Variants in STRBP observed in about 807,000 individuals in gnomAD.
The protein encoded by STRBP is spermatid perinuclear RNA binding protein.
Under a neutral mutation model 80.1 loss-of-function variants are expected in STRBP, and 13 were observed. That is an observed-to-expected ratio of 0.16 (90% confidence interval 0.11 to 0.26). The LOEUF (loss-of-function observed/expected upper bound fraction) is 0.26. STRBP is among the 10% of genes least tolerant of loss of function. The probability of loss-of-function intolerance (pLI) is 1.00; values close to 1 mark genes in which losing one functional copy is unlikely to be tolerated. For synonymous variants in STRBP, 284 were observed against 291.2 expected, an observed-to-expected ratio of 0.98 and a Z score of 0.25; for missense variants, 485 against 815.2, an observed-to-expected ratio of 0.59 and a Z score of 4.93.
downstream of STRBP, among the ~76,000 whole-genome samples, chr9:123,119,706 G>A (rs1197558554): frequency 2.0e-5 from 3 of 152,010 alleles, no homozygotes; most frequent in African/African-American, 4.8e-5. Context: ...CCTCACCTCG[G>A]CCAACCATGG....
At position 123,115,692 on chromosome 9, in the gene STRBP, C is replaced by G. The variant is rs936085261; in HGVS notation, c.*84+237G>C. 13 of 336,046 alleles carry G rather than the reference C, an allele frequency of 3.9e-5. No homozygotes were observed. The highest frequency in any genetic ancestry group is 2.6e-4 in the African/African-American group (12 of 46,500). 20.8% of individuals were successfully genotyped at this position (336,046 alleles called of 1,614,324 possible). ...TCTTGGCAGCATCACCAGTCAACAT[C>G]AGAGTTCGTCCAAACTGACATTCCA... On this transcript the variant is annotated intron_variant and NMD_transcript_variant, in intron 3 of 3. Coordinates refer to the STRBP transcript ENST00000471564. This position sits in a 1 kb window ranked among gnomAD's most constrained non-coding sequence, Gnocchi z 5.0.
intron 2 of STRBP, among the ~76,000 whole-genome samples, chr9:123,236,268 G>GA (rs1219934488): frequency 2.0e-5 from 3 of 151,930 alleles, no homozygotes; most frequent in South Asian, 2.1e-4. Flanking sequence ...TACTTACTAA[G>GA]AAAAAAACAT....
intron 2 of STRBP, among the ~76,000 whole-genome samples, chr9:123,223,893 T>G (rs575258353): frequency 1.1e-4 from 17 of 152,162 alleles, no homozygotes; most frequent in Admixed American, 5.2e-4. Flanking sequence ...TATTAATGGT[T>G]TATTTTTTAC....
Position 123,124,597 on chromosome 9 carries a change from G to T in STRBP, c.*1000C>A. 1 of 985,406 alleles carries T rather than the reference G, an allele frequency of 1.0e-6. No individual in the cohort carries two copies. Among genetic ancestry groups the T allele is most frequent in the Non-Finnish European group, 1.2e-6 (1 of 829,932 alleles). 61.0% of individuals were successfully genotyped at this position (985,406 alleles called of 1,614,324 possible). ...ATTCTGATGTAATTGAAGAGGAAAG[G>T]AGACCCTTCAATGAATCCCAGCAAA... On this transcript the variant is annotated 3_prime_UTR_variant, in exon 19 of 19. Coordinates refer to ENST00000348403, the MANE Select transcript of STRBP (RefSeq NM_018387.5).
At chr9:123,165,226 A>G (rs1027984185) in intron 6 of STRBP, among the ~76,000 whole-genome samples, 1 of 149,398 alleles carries the variant, frequency 6.7e-6, no homozygotes, top group Non-Finnish European at 1.5e-5. Context: ...CATTGCAGTG[A>G]GCCGAGATCG....
chr9:123,169,882 A>ATG lies in STRBP; in HGVS notation c.535+19_535+20insCA. The ATG allele has an allele frequency of 8.0e-7, 1 of 1,256,836 alleles. No homozygotes were observed. The highest frequency in any genetic ancestry group is 3.0e-5 in the East Asian group (1 of 33,090). The allele number at this position is 1,256,836 out of a possible 1,614,324, so 77.9% of individuals were successfully genotyped here. ...CAACAACAAATATATACATATATAT[A>ATG]TATATATATACATGTGTACCTCCAT... On this transcript the variant is annotated intron_variant, in intron 6 of 18. Coordinates refer to ENST00000348403, the MANE Select transcript of STRBP (RefSeq NM_018387.5).
chr9:123,238,692 G>A (rs2040624800), intron 1 of STRBP, among the ~76,000 whole-genome samples: 1 of 152,164 alleles, frequency 6.6e-6, no homozygotes, highest in Non-Finnish European at 1.5e-5. Context: ...ATAAGCTAAA[G>A]ATGAGAAGGG....
chr9:123,161,962 G>T (rs549488082), intron 6 of STRBP, among the ~76,000 whole-genome samples: 1 of 152,238 alleles, frequency 6.6e-6, no homozygotes, highest in South Asian at 2.1e-4. Context: ...ATATGCAAAT[G>T]CTTCTTGAGT....
At chr9:123,147,433 G>A (rs1490679659) in intron 12 of STRBP, among the ~76,000 whole-genome samples, 1 of 151,946 alleles carries the variant, frequency 6.6e-6, no homozygotes, top group Non-Finnish European at 1.5e-5. Context: ...CCCAGCACTT[G>A]GAGAGGCCAA....
intron 16 of STRBP, chr9:123,135,830 T>C (rs1330245581): frequency 2.1e-6 from 1 of 473,904 alleles, no homozygotes; most frequent in African/African-American, 1.9e-5. Context: ...TAAATATACA[T>C]GTACATATAT....
intron 2 of STRBP, among the ~76,000 whole-genome samples, chr9:123,202,331 T>C (rs913635885): frequency 6.6e-6 from 1 of 152,272 alleles, no homozygotes; most frequent in African/African-American, 2.4e-5. Context: ...TTTTAAGCTT[T>C]CCACTTTGGT....
Position 123,160,396 on chromosome 9 carries a change from C to G in STRBP, c.694G>C (p.Val232Leu). The G allele has an allele frequency of 6.2e-7, 1 of 1,602,090 alleles. No individual in the cohort carries two copies. Among genetic ancestry groups the G allele is most frequent in the African/African-American group, 1.3e-5 (1 of 74,894 alleles). ...CCTTTCAATGGTGCCCATGTGGGGA[C>G]TCTGTTGCACAAATCACGCAGAATG... ...LRILRDLCNR[V>L]PTWAPLKGWP... The change falls in exon 8 of 19, where the codon GTC (valine) becomes CTC (leucine). Residue 232 changes from valine (V) to leucine (L), a missense_variant. Around this residue, in one of 3 missense-constraint regions of STRBP, gnomAD observed 377 missense variants for 616.1 expected, o/e 0.61. Transcript: ENST00000348403.
At position 123,200,692 on chromosome 9, in the gene STRBP, C is replaced by T. The variant is rs1330780558; in HGVS notation, c.-164-16394G>A. ...ACCCTATTCTCCTGTCTCAGCCTCC[C>T]GAGTAGCTGGGACTACAGGCGCCCC... On this transcript the variant is annotated intron_variant, in intron 2 of 18. Coordinates refer to ENST00000348403, the MANE Select transcript of STRBP (RefSeq NM_018387.5). Among the ~76,000 whole-genome samples the T allele has an allele frequency of 5.0e-5, 7 of 139,364 alleles. No homozygotes were observed. The South Asian group carries it at 6.9e-4, about 14-fold the overall frequency. The allele number at this position is 139,364 out of a possible 152,430, so 91.4% of individuals were successfully genotyped here.
At chr9:123,116,464 A>T (rs2035646816) in intron 2 of STRBP, among the ~76,000 whole-genome samples, 1 of 152,132 alleles carries the variant, frequency 6.6e-6, no homozygotes, top group Non-Finnish European at 1.5e-5. Context: ...AAAAGAAAAC[A>T]AAACAAAAAA....
downstream of STRBP, among the ~76,000 whole-genome samples, chr9:123,117,575 A>G (rs933584637): frequency 2.0e-5 from 3 of 152,324 alleles, no homozygotes; most frequent in East Asian, 5.8e-4. Flanking sequence ...GCCTACTCCA[A>G]GGGAAACTCC....
chr9:123,139,380 A>G, intron 14 of STRBP, 149 bp downstream of exon 14: 1 of 690,518 alleles, frequency 1.4e-6, no homozygotes, highest in Non-Finnish European at 2.2e-6. Flanking sequence ...ACTGGATGGA[A>G]ATAAACCAAA....
At chr9:123,267,137 C>A (rs2041285675) in intron 1 of STRBP, among the ~76,000 whole-genome samples, 1 of 139,142 alleles carries the variant, frequency 7.2e-6, no homozygotes, top group African/African-American at 3.4e-5. Context: ...TTGCCCTCCA[C>A]CTCACACACT....
At chr9:123,191,355 G>A (rs1364702450) in intron 2 of STRBP, among the ~76,000 whole-genome samples, 2 of 151,988 alleles carry the variant, frequency 1.3e-5, no homozygotes, top group Non-Finnish European at 2.9e-5. Context: ...GCGTGCCTGC[G>A]TTCAGTGGAA....
intron 17 of STRBP, among the ~76,000 whole-genome samples, chr9:123,129,321 C>T (rs1465006409): frequency 1.3e-5 from 2 of 152,146 alleles, no homozygotes; most frequent in Admixed American, 6.5e-5. Flanking sequence ...CACACCACTG[C>T]ACTCCAGGCT....
Sources: allele counts gnomAD v4.1 joint callset (sites outside exome capture counted in the v4.1 genomes callset), GRCh38; gene constraint gnomAD v4.1.1; regional missense constraint gnomAD v4.1.1; non-coding constraint Gnocchi (gnomAD v3.1); transcripts MANE v1.5; gene names NCBI Gene and HGNC (gene_info 2026-07-23, HGNC 2026-07-21).